Variants in CREB5 observed in about 807,000 individuals in gnomAD.
The protein encoded by CREB5 is cAMP responsive element binding protein 5, also known as cyclic AMP-responsive element-binding protein 5.
In CREB5, 19 loss-of-function variants were observed where a neutral mutation model predicts 57.1. The ratio of observed to expected loss-of-function variants is 0.33; its 90% CI spans 0.23 to 0.49. The LOEUF (loss-of-function observed/expected upper bound fraction) is 0.49, where lower values mean the gene tolerates loss of function less well. Among genes scored for constraint, CREB5 ranks in the 20% least tolerant of loss-of-function variants. The pLI is 0.99. For synonymous variants in CREB5, 238 were observed against 238.3 expected, an observed-to-expected ratio of 1.00 and a Z score of 0.01; for missense variants, 579 against 671.6, an observed-to-expected ratio of 0.86 and a Z score of 1.52.
chr7:28,734,481 T>G (rs543951429), intron 7 of CREB5, among the ~76,000 whole-genome samples: 17 of 152,122 alleles, frequency 1.1e-4, no homozygotes, highest in African/African-American at 4.1e-4. Context: ...GAAAACATTT[T>G]AATAATTATC....
intron 5 of CREB5, among the ~76,000 whole-genome samples, chr7:28,599,610 G>A (rs1796828427): frequency 6.6e-6 from 1 of 152,130 alleles, no homozygotes; most frequent in Non-Finnish European, 1.5e-5. Context: ...GCCCCTATGT[G>A]TATAATAAAG....
At position 28,580,429 on chromosome 7, in the gene CREB5, CCACA is replaced by C. The variant is rs70977058; in HGVS notation, c.464+9923_464+9926del. Among the ~76,000 whole-genome samples, 569 of 130,950 alleles carry C rather than the reference CCACA, an allele frequency of 4.3e-3. 7 individuals are homozygous for C. The highest frequency in any genetic ancestry group is 0.022 in the East Asian group (97 of 4,370). 85.9% of individuals were successfully genotyped at this position (130,950 alleles called of 152,430 possible). The stretch of plus-strand genomic sequence containing the variant: ...CTAGATTTGTCCCAATCCCCCCCCA[CCACA>C]CACACACACACACACACACACACAC... On this transcript the variant is annotated intron_variant, in intron 5 of 10. Transcript: ENST00000357727.
At chr7:28,460,026 T>C (rs2128574543) in intron 1 of CREB5, among the ~76,000 whole-genome samples, 1 of 152,328 alleles carries the variant, frequency 6.6e-6, no homozygotes, top group East Asian at 1.9e-4. Context: ...CTGTTACTCA[T>C]ACCAACTTCA....
chr7:28,605,446 C>A (rs1797093062), intron 5 of CREB5, among the ~76,000 whole-genome samples: 1 of 152,164 alleles, frequency 6.6e-6, no homozygotes, highest in South Asian at 2.1e-4. Context: ...CACTTCAGGA[C>A]TGTGTGGAAA....
intron 1 of CREB5, among the ~76,000 whole-genome samples, chr7:28,373,215 A>G (rs1012323437): frequency 1.1e-4 from 17 of 152,220 alleles, no homozygotes; most frequent in Admixed American, 6.5e-5. Flanking sequence ...GAGTAGGGGC[A>G]TGTCCCTCCC....
chr7:28,318,709 G>A (rs1785428632), intron 1 of CREB5, among the ~76,000 whole-genome samples: 1 of 152,254 alleles, frequency 6.6e-6, no homozygotes, highest in Non-Finnish European at 1.5e-5. Flanking sequence ...TGCCTAAAAT[G>A]TCCTGCATCT....
intron 1 of CREB5, among the ~76,000 whole-genome samples, chr7:28,367,299 G>A (rs1170271934): frequency 6.6e-6 from 1 of 152,144 alleles, no homozygotes; most frequent in Non-Finnish European, 1.5e-5. Flanking sequence ...CAGTTGCCCA[G>A]TGTGAAGGCC....
At chr7:28,818,654 G>T in intron 10 of CREB5, 2 of 434,994 alleles carry the variant, frequency 4.6e-6, no homozygotes, top group Non-Finnish European at 9.1e-6. Context: ...TCAGACCCCA[G>T]TTTCTGCATC....
chr7:28,532,207 C>T (rs1793760571), intron 4 of CREB5, among the ~76,000 whole-genome samples: 2 of 152,118 alleles, frequency 1.3e-5, no homozygotes, highest in East Asian at 1.9e-4. Context: ...AGCCCCCTGC[C>T]AAACAGCTAT....
intron 7 of CREB5, among the ~76,000 whole-genome samples, chr7:28,740,329 T>G (rs17157112): frequency 0.47 from 70,996 of 151,988 alleles, 16,999 homozygotes; most frequent in Middle Eastern, 0.53. Context: ...GATTTCTTGG[T>G]AGCAGAATCT....
chr7:28,352,769 C>T (rs191634436), intron 1 of CREB5, among the ~76,000 whole-genome samples: 1 of 152,270 alleles, frequency 6.6e-6, no homozygotes, highest in African/African-American at 2.4e-5. Context: ...AGTAGGAAAC[C>T]AACCACATCT....
chr7:28,582,483 T>C (rs1022246847), intron 5 of CREB5, among the ~76,000 whole-genome samples: 1 of 152,228 alleles, frequency 6.6e-6, no homozygotes, highest in Admixed American at 6.5e-5. Flanking sequence ...TTTTTAGTCT[T>C]ATGATAGGAA....
chr7:28,436,869 A>G (rs1367518046), intron 1 of CREB5, among the ~76,000 whole-genome samples: 2 of 152,146 alleles, frequency 1.3e-5, no homozygotes, highest in Non-Finnish European at 2.9e-5. Flanking sequence ...AACAGGTTGC[A>G]TTTACTCTGC....
At chr7:28,719,655 G>A (rs1009932155) in intron 6 of CREB5, among the ~76,000 whole-genome samples, 1 of 152,194 alleles carries the variant, frequency 6.6e-6, no homozygotes, top group Non-Finnish European at 1.5e-5. Flanking sequence ...TAGACAGGCT[G>A]AGTAACTTGG....
chr7:28,446,387 G>A (rs188735593), intron 1 of CREB5, among the ~76,000 whole-genome samples: 31 of 152,242 alleles, frequency 2.0e-4, no homozygotes, highest in East Asian at 3.9e-4. Context: ...AGTCTTCATC[G>A]CCCTTTTCTT....
At chr7:28,616,318 G>T (rs1583424046) in intron 5 of CREB5, among the ~76,000 whole-genome samples, 2 of 152,194 alleles carry the variant, frequency 1.3e-5, no homozygotes, top group South Asian at 4.1e-4. Flanking sequence ...AAATGGTGAA[G>T]TCTGATTCTG....
At chr7:28,314,262 G>T (rs932337231) in intron 1 of CREB5, among the ~76,000 whole-genome samples, 5 of 152,170 alleles carry the variant, frequency 3.3e-5, no homozygotes, top group Non-Finnish European at 7.3e-5. Context: ...TGTTAAACCA[G>T]ACATGTTTTA....
At chr7:28,738,512 C>T (rs117760804) in intron 7 of CREB5, among the ~76,000 whole-genome samples, 169 of 152,220 alleles carry the variant, frequency 1.1e-3, no homozygotes, top group East Asian at 5.6e-3. Context: ...TTCAGCTGTT[C>T]GGTAGACCAG....
At chr7:28,643,953 C>T (rs1798790416) in intron 5 of CREB5, among the ~76,000 whole-genome samples, 1 of 151,880 alleles carries the variant, frequency 6.6e-6, no homozygotes, top group Non-Finnish European at 1.5e-5. Flanking sequence ...GTGGTGTGTA[C>T]CTATAGTCCA....
Sources: allele counts gnomAD v4.1 joint callset (sites outside exome capture counted in the v4.1 genomes callset), GRCh38; gene constraint gnomAD v4.1.1; transcripts MANE v1.5; gene names NCBI Gene and HGNC (gene_info 2026-07-23, HGNC 2026-07-21).